The following TPST1 variants were observed in gnomAD, a reference collection of about 807,000 sequenced individuals.
TPST1 encodes the protein protein-tyrosine sulfotransferase 1.
TPST1 carries 20 observed loss-of-function variants against 34.8 expected under a neutral mutation model. That is an observed-to-expected ratio of 0.57 (90% CI 0.40 to 0.84). The LOEUF (loss-of-function observed/expected upper bound fraction) is 0.84, where lower values mean the gene tolerates loss of function less well. Among genes scored for constraint, TPST1 ranks in the 40% least tolerant of loss-of-function variants. The pLI, the probability that TPST1 is intolerant of heterozygous loss-of-function variation, is 0.00. For synonymous variants in TPST1, 152 were observed against 159.4 expected, an observed-to-expected ratio of 0.95 and a Z score of 0.35; for missense variants, 353 against 455.5, an observed-to-expected ratio of 0.78 and a Z score of 2.05.
chr7:66,264,536 G>A (rs1046393040), intron 2 of TPST1, among the ~76,000 whole-genome samples: 12 of 152,226 alleles, frequency 7.9e-5, no homozygotes, highest in African/African-American at 2.7e-4. Flanking sequence ...ATTTAAGGCA[G>A]TCTGTTCAGT....
intron 3 of TPST1, among the ~76,000 whole-genome samples, chr7:66,346,322 C>G (rs1792351823): frequency 6.6e-6 from 1 of 152,042 alleles, no homozygotes; most frequent in Non-Finnish European, 1.5e-5. Context: ...TTACTGATTT[C>G]CCTTCTTTTG....
chr7:66,320,227 CT>C (rs1310253482), intron 3 of TPST1, among the ~76,000 whole-genome samples: 1 of 145,940 alleles, frequency 6.9e-6, no homozygotes, highest in Non-Finnish European at 1.5e-5. Flanking sequence ...TGGTTTCTTT[CT>C]TTCTTTTTTT....
chr7:66,346,254 A>T (rs541272862), intron 3 of TPST1, among the ~76,000 whole-genome samples: 1 of 152,022 alleles, frequency 6.6e-6, no homozygotes, highest in Non-Finnish European at 1.5e-5. Context: ...TTGATCCCAA[A>T]TCTTGGCTAT....
At chr7:66,238,327 A>G (rs1789953289) in intron 1 of TPST1, among the ~76,000 whole-genome samples, 1 of 151,280 alleles carries the variant, frequency 6.6e-6, no homozygotes, top group Non-Finnish European at 1.5e-5. Flanking sequence ...TTATTTTGTC[A>G]TGCTTTAAGG....
intron 2 of TPST1, among the ~76,000 whole-genome samples, chr7:66,264,804 C>G (rs1225586678): frequency 6.6e-6 from 1 of 151,986 alleles, no homozygotes; most frequent in Non-Finnish European, 1.5e-5. Flanking sequence ...AGAAATTGTC[C>G]CTGAGGAAGC....
At chr7:66,270,471 A>G (rs1790682972) in intron 2 of TPST1, among the ~76,000 whole-genome samples, 1 of 152,178 alleles carries the variant, frequency 6.6e-6, no homozygotes, top group Non-Finnish European at 1.5e-5. Context: ...ACCTTTAGAA[A>G]TCACTTACTC....
intron 2 of TPST1, among the ~76,000 whole-genome samples, chr7:66,271,547 CT>C (rs1367342471): frequency 6.6e-6 from 1 of 152,184 alleles, no homozygotes; most frequent in Non-Finnish European, 1.5e-5. Context: ...ATTTCTGCCC[CT>C]GGTAACCACC....
chr7:66,337,454 A>G, intron 3 of TPST1, among the ~76,000 whole-genome samples: 1 of 151,952 alleles, frequency 6.6e-6, no homozygotes, highest in East Asian at 1.9e-4. Flanking sequence ...GATTACAGAT[A>G]TGTGCCAACA....
chr7:66,224,269 A>G (rs1584147409), intron 1 of TPST1, among the ~76,000 whole-genome samples: 1 of 152,194 alleles, frequency 6.6e-6, no homozygotes, highest in Non-Finnish European at 1.5e-5. Flanking sequence ...TTCATTGGCA[A>G]GTTCAAGCAT....
intron 3 of TPST1, among the ~76,000 whole-genome samples, chr7:66,341,149 G>A (rs1000007360): frequency 2.6e-5 from 4 of 152,184 alleles, no homozygotes; most frequent in East Asian, 3.8e-4. Flanking sequence ...AAGCTATCCT[G>A]AGCAGAAAGA....
intron 2 of TPST1, among the ~76,000 whole-genome samples, chr7:66,266,696 G>C (rs1028319504): frequency 6.6e-6 from 1 of 152,178 alleles, no homozygotes; most frequent in Non-Finnish European, 1.5e-5. Flanking sequence ...ATATTACTCA[G>C]CAATAAAAAG....
At chr7:66,221,994 T>C (rs745908696) in intron 1 of TPST1, among the ~76,000 whole-genome samples, 7 of 152,202 alleles carry the variant, frequency 4.6e-5, no homozygotes, top group Non-Finnish European at 5.9e-5. Flanking sequence ...TCATTTTCGA[T>C]GTTTATTTGT....
chr7:66,299,304 T>TG (rs1044216034), intron 3 of TPST1, among the ~76,000 whole-genome samples: 6 of 151,430 alleles, frequency 4.0e-5, no homozygotes, highest in Non-Finnish European at 8.8e-5. Context: ...CTTAGGTTTT[T>TG]TTTTTTTTTT....
intron 3 of TPST1, among the ~76,000 whole-genome samples, chr7:66,320,454 A>G (rs2116192874): frequency 6.6e-6 from 1 of 151,048 alleles, no homozygotes; most frequent in African/African-American, 2.4e-5. Flanking sequence ...TCACCATGTT[A>G]GCCAGGATGG....
chr7:66,238,408 C>CTTTTTTTTT (rs370723283), intron 1 of TPST1, among the ~76,000 whole-genome samples: 5 of 131,926 alleles, frequency 3.8e-5, no homozygotes. Flanking sequence ...ACAGCACTGG[C>CTTTTTTTTT]TTTTTTTTTT....
At chr7:66,257,834 C>T (rs1157007352) in intron 2 of TPST1, among the ~76,000 whole-genome samples, 1 of 152,118 alleles carries the variant, frequency 6.6e-6, no homozygotes, top group Non-Finnish European at 1.5e-5. Context: ...CTTTAAAGAG[C>T]CCTTTGTATG....
chr7:66,236,193 T>G (rs1789909091), intron 1 of TPST1, among the ~76,000 whole-genome samples: 1 of 152,190 alleles, frequency 6.6e-6, no homozygotes, highest in Middle Eastern at 3.2e-3. Flanking sequence ...CCCCAAGATT[T>G]ATTTTCCTTT....
At chr7:66,206,215 T>C (rs1789128257) in intron 1 of TPST1, among the ~76,000 whole-genome samples, 1 of 149,624 alleles carries the variant, frequency 6.7e-6, no homozygotes, top group African/African-American at 2.5e-5. Context: ...TGCCTCGGCC[T>C]CCAAAGTGCT....
At chr7:66,234,771 G>A (rs1789876777) in intron 1 of TPST1, among the ~76,000 whole-genome samples, 1 of 152,084 alleles carries the variant, frequency 6.6e-6, no homozygotes, top group African/African-American at 2.4e-5. Context: ...CCACCTCCCG[G>A]GTTCATGCCA....
Sources: allele counts gnomAD v4.1 joint callset (sites outside exome capture counted in the v4.1 genomes callset), GRCh38; gene constraint gnomAD v4.1.1; transcripts MANE v1.5; gene names NCBI Gene and HGNC (gene_info 2026-07-23, HGNC 2026-07-21).